Variants in NUMB observed in about 807,000 individuals in gnomAD.
NUMB encodes the protein protein numb homolog.
In NUMB, 29 loss-of-function variants were observed where a neutral mutation model predicts 59.7. That is an observed-to-expected ratio of 0.49 (90% confidence interval 0.36 to 0.66). The LOEUF (loss-of-function observed/expected upper bound fraction) is 0.66. NUMB is among the 30% of genes least tolerant of loss of function. NUMB has a pLI of 0.00. For missense variants in NUMB, 723 were observed against 822.0 expected, an observed-to-expected ratio of 0.88 and a Z score of 1.47; for synonymous variants, 288 against 288.2, an observed-to-expected ratio of 1.00 and a Z score of 0.01.
chr14:73,428,562 C>A (rs908469649), intron 1 of NUMB, among the ~76,000 whole-genome samples: 12 of 152,138 alleles, frequency 7.9e-5, no homozygotes, highest in African/African-American at 2.9e-4. Context: ...AGAAGGCAGA[C>A]GTCAGGGGAT....
At chr14:73,338,591 C>G (rs1892473041) in intron 4 of NUMB, among the ~76,000 whole-genome samples, 1 of 152,230 alleles carries the variant, frequency 6.6e-6, no homozygotes, top group South Asian at 2.1e-4. Context: ...GTTTAAAACT[C>G]TCCAATAGCT....
chr14:73,418,584 C>G (rs999879216), intron 1 of NUMB, among the ~76,000 whole-genome samples: 2 of 151,898 alleles, frequency 1.3e-5, no homozygotes, highest in African/African-American at 4.8e-5. Context: ...CCAGCCTGAC[C>G]AACATGGAGA....
At chr14:73,373,705 CTTTTT>C (rs558452695) in intron 2 of NUMB, among the ~76,000 whole-genome samples, 1 of 127,730 alleles carries the variant, frequency 7.8e-6, no homozygotes, top group Non-Finnish European at 1.7e-5. Context: ...GGAAAGCTTC[CTTTTT>C]TTTTTTTTTT....
chr14:73,294,160 T>C (rs1241061192), intron 7 of NUMB, among the ~76,000 whole-genome samples: 1 of 152,208 alleles, frequency 6.6e-6, no homozygotes, highest in African/African-American at 2.4e-5. Context: ...AATTTGATTA[T>C]ACTCAAATGG....
At chr14:73,401,715 G>A (rs1896427284) in intron 2 of NUMB, among the ~76,000 whole-genome samples, 1 of 151,830 alleles carries the variant, frequency 6.6e-6, no homozygotes, top group Non-Finnish European at 1.5e-5. Context: ...GACCACAGGT[G>A]CCTGCCACCA....
chr14:73,296,141 A>AT (rs1889754590), intron 7 of NUMB, among the ~76,000 whole-genome samples: 1 of 152,186 alleles, frequency 6.6e-6, no homozygotes, highest in South Asian at 2.1e-4. Flanking sequence ...CTTATTAAAA[A>AT]ATATATAAGA....
chr14:73,430,608 T>G (rs2140167770), intron 1 of NUMB, among the ~76,000 whole-genome samples: 1 of 151,982 alleles, frequency 6.6e-6, no homozygotes, highest in Admixed American at 6.6e-5. Context: ...CACTCTAGTC[T>G]GGGTGACAAG....
chr14:73,367,692 T>C (rs969411641), intron 2 of NUMB, among the ~76,000 whole-genome samples: 1 of 150,678 alleles, frequency 6.6e-6, no homozygotes, highest in Non-Finnish European at 1.5e-5. Context: ...GAAGGATAGG[T>C]TGAGCCTGGG....
chr14:73,276,499 CAA>C lies in NUMB; in HGVS notation c.*77_*78del, dbSNP rs1485724950. ...AGTGAAAAGAGTACTAATCAGGAGACAAAGTCTGTTTTGCTCCTTTGACCGCT... is the reference window on the plus strand; with the variant it reads ...AGTGAAAAGAGTACTAATCAGGAGACAGTCTGTTTTGCTCCTTTGACCGCT... On this transcript the variant is annotated 3_prime_UTR_variant, in exon 13 of 13. Transcript: ENST00000555238. The C allele has an allele frequency of 3.5e-6, 4 of 1,127,846 alleles. No homozygotes were observed. The highest frequency in any genetic ancestry group is 4.4e-5 in the Admixed American group (2 of 45,804). 69.9% of individuals were successfully genotyped at this position (1,127,846 alleles called of 1,614,324 possible). A position where few individuals can be genotyped will look rare whatever the true frequency, so the allele number is the denominator to read the frequency against.
chr14:73,420,291 C>G (rs995320660), intron 1 of NUMB, among the ~76,000 whole-genome samples: 6 of 152,230 alleles, frequency 3.9e-5, no homozygotes, highest in African/African-American at 1.4e-4. Flanking sequence ...AAAGCCAGGT[C>G]AACAGACTCA....
chr14:73,311,707 C>T (rs995843928), intron 6 of NUMB, among the ~76,000 whole-genome samples: 1 of 152,204 alleles, frequency 6.6e-6, no homozygotes, highest in Admixed American at 6.5e-5. Flanking sequence ...TATCCTGGAT[C>T]ATCAAATCAT....
intron 4 of NUMB, among the ~76,000 whole-genome samples, chr14:73,350,695 C>CTTTTTT (rs71112733): frequency 7.5e-6 from 1 of 133,732 alleles, no homozygotes. Flanking sequence ...CCACATCTAG[C>CTTTTTT]TTTTTTTTTT....
chr14:73,396,216 G>C (rs1896123357), intron 2 of NUMB, among the ~76,000 whole-genome samples: 1 of 152,038 alleles, frequency 6.6e-6, no homozygotes, highest in African/African-American at 2.4e-5. Context: ...CCAAAGTGCT[G>C]AGATTACAGG....
chr14:73,369,615 GTCCACATCTCT>G (rs1894563023), intron 2 of NUMB, among the ~76,000 whole-genome samples: 1 of 152,078 alleles, frequency 6.6e-6, no homozygotes, highest in African/African-American at 2.4e-5. Flanking sequence ...CTAATTTTTT[GTCCACATCTCT>G]TCCCACCTCC....
At chr14:73,278,112 T>A (rs529859088) in intron 12 of NUMB, among the ~76,000 whole-genome samples, 4 of 150,646 alleles carry the variant, frequency 2.7e-5, no homozygotes, top group South Asian at 4.2e-4. Flanking sequence ...GCAATTCATC[T>A]TCTGCTCTAA....
At chr14:73,346,088 TG>T (rs1445608631) in intron 4 of NUMB, among the ~76,000 whole-genome samples, 3 of 152,128 alleles carry the variant, frequency 2.0e-5, no homozygotes, top group Non-Finnish European at 4.4e-5. Context: ...TTAGAACTCT[TG>T]AAAAAGTTCT....
At chr14:73,368,450 G>A (rs558188252) in intron 2 of NUMB, among the ~76,000 whole-genome samples, 2 of 152,120 alleles carry the variant, frequency 1.3e-5, no homozygotes, top group Admixed American at 6.6e-5. Flanking sequence ...ATGGTGACAG[G>A]TGACTGTAAT....
At chr14:73,454,994 G>C (rs369386626) in intron 1 of NUMB, among the ~76,000 whole-genome samples, 1 of 152,028 alleles carries the variant, frequency 6.6e-6, no homozygotes, top group Non-Finnish European at 1.5e-5. Flanking sequence ...TTTCCTTCTC[G>C]AAACTTATGT....
At chr14:73,418,772 GAA>G (rs368122521) in intron 1 of NUMB, among the ~76,000 whole-genome samples, 1 of 138,364 alleles carries the variant, frequency 7.2e-6, no homozygotes. Flanking sequence ...ACTCTGTCTC[GAA>G]AAAAAAAAAG....
Sources: allele counts gnomAD v4.1 joint callset (sites outside exome capture counted in the v4.1 genomes callset), GRCh38; gene constraint gnomAD v4.1.1; transcripts MANE v1.5; gene names NCBI Gene and HGNC (gene_info 2026-07-23, HGNC 2026-07-21).